ASTN2: variants seen among roughly 807,000 people sequenced by gnomAD.
The protein encoded by ASTN2 is astrotactin 2.
A neutral mutation model predicts 139.8 loss-of-function variants in ASTN2; 54 were observed. The observed-to-expected ratio is 0.39, with a 90% CI of 0.31 to 0.48. The LOEUF (loss-of-function observed/expected upper bound fraction) is 0.48, where lower values mean the gene tolerates loss of function less well. Ranked by LOEUF, ASTN2 falls within the 20% of genes least tolerant of loss-of-function variation. The pLI, the probability that ASTN2 is intolerant of heterozygous loss-of-function variation, is 0.95. For missense variants in ASTN2, 1,565 were observed against 1,725.1 expected, an observed-to-expected ratio of 0.91 and a Z score of 1.64; for synonymous variants, 756 against 719.5, an observed-to-expected ratio of 1.05 and a Z score of -0.81.
intron 1 of ASTN2, among the ~76,000 whole-genome samples, chr9:117,296,611 C>T (rs966910678): frequency 6.6e-6 from 1 of 152,176 alleles, no homozygotes; most frequent in African/African-American, 2.4e-5. Context: ...GGACTAAATG[C>T]ATTGGGTCAG....
At chr9:117,145,750 A>T (rs1019552861) in intron 3 of ASTN2, among the ~76,000 whole-genome samples, 23 of 152,210 alleles carry the variant, frequency 1.5e-4, no homozygotes, top group Non-Finnish European at 2.2e-4. Context: ...AATTCTTTTT[A>T]AAAAAATCCC....
At chr9:116,835,616 C>T (rs773216888) in intron 11 of ASTN2, among the ~76,000 whole-genome samples, 23 of 152,094 alleles carry the variant, frequency 1.5e-4, no homozygotes, top group Non-Finnish European at 2.8e-4. Flanking sequence ...ACCAACAACC[C>T]GCTGCCCCCA....
In ASTN2 at chr9:117,214,678, C is replaced by T. The variant is rs1173826172; in HGVS notation, c.695G>A (p.Arg232His). Residue 232 changes from arginine (R) to histidine (H), a missense_variant, in exon 3 of 23, where the codon CGT becomes CAT. By Grantham distance (29) the Arg-to-His change is conservative (BLOSUM62 0). This residue lies in a region of ASTN2 where 596 missense variants were observed against 576.8 expected (regional missense o/e 1.03). Transcript: ENST00000313400. ...GGGGATGCGGCGACGCTTCTGCCAACGTCGCTGGGCGTACAGCGCCACGGT... is the reference window on the plus strand; with the variant it reads ...GGGGATGCGGCGACGCTTCTGCCAATGTCGCTGGGCGTACAGCGCCACGGT... Reference protein sequence around the residue: ...VFTVALYAQRRWQKRRRIPQK... With the variant: ...VFTVALYAQRHWQKRRRIPQK... The T allele has an allele frequency of 6.5e-6, 10 of 1,540,568 alleles. No individual in the cohort carries two copies. The highest frequency in any genetic ancestry group is 4.6e-5 in the East Asian group (2 of 43,922).
intron 13 of ASTN2, among the ~76,000 whole-genome samples, chr9:116,800,179 G>A (rs556483595): frequency 5.9e-4 from 89 of 151,882 alleles, no homozygotes; most frequent in Middle Eastern, 3.4e-3. Flanking sequence ...CCCCTTCCCC[G>A]CCTTCTGCTG....
At position 116,725,871 on chromosome 9, in the gene ASTN2, G is replaced by C. The variant is rs1467477661; in HGVS notation, c.2706C>G (p.Ser902=). The change falls in exon 16 of 23, where the codon TCC becomes TCG. Residue 902 remains serine (S), a synonymous_variant. Transcript: ENST00000313400. ...ELLSFIQHYG[S]HYIAEALYGS... is the part of the protein sequence containing the mutation. ...CATAGAGGGCCTCTGCGATGTAGTG[G>C]GAGCCATAGTGCTGGATGAAGGACA... 1 of 1,614,062 alleles carries C rather than the reference G, an allele frequency of 6.2e-7. No individual in the cohort carries two copies. Among genetic ancestry groups the C allele is most frequent in the Admixed American group, 1.7e-5 (1 of 60,018 alleles).
At chr9:116,444,546 C>T (rs1253866943) in intron 20 of ASTN2, among the ~76,000 whole-genome samples, 1 of 152,170 alleles carries the variant, frequency 6.6e-6, no homozygotes, top group East Asian at 1.9e-4. Flanking sequence ...CTCGCAGGCT[C>T]AGGGTATCAT....
intron 16 of ASTN2, among the ~76,000 whole-genome samples, chr9:116,682,444 C>T (rs1859941611): frequency 6.6e-6 from 1 of 152,194 alleles, no homozygotes; most frequent in African/African-American, 2.4e-5. Flanking sequence ...TAAACTGGTT[C>T]AAACATTGTG....
chr9:116,599,549 G>A (rs1039887474), intron 19 of ASTN2, among the ~76,000 whole-genome samples: 9 of 152,122 alleles, frequency 5.9e-5, no homozygotes, highest in Non-Finnish European at 1.0e-4. Context: ...ATTTTTCCCT[G>A]AGGCAATTCA....
chr9:116,960,191 G>A (rs1303875518), intron 10 of ASTN2, among the ~76,000 whole-genome samples: 3 of 152,096 alleles, frequency 2.0e-5, no homozygotes, highest in Admixed American at 6.6e-5. Context: ...AGCTGGGGTC[G>A]CTGGACCATC....
intron 16 of ASTN2, among the ~76,000 whole-genome samples, chr9:116,692,226 G>T (rs950893158): frequency 2.0e-5 from 3 of 152,166 alleles, no homozygotes; most frequent in Admixed American, 1.3e-4. Context: ...TGAAACCTTA[G>T]ATCATCTCTA....
chr9:117,282,109 CT>C (rs1194676646), intron 2 of ASTN2, among the ~76,000 whole-genome samples: 2 of 152,098 alleles, frequency 1.3e-5, no homozygotes, highest in African/African-American at 2.4e-5. Flanking sequence ...CCCTTTCTGT[CT>C]GTTCTTGCCA....
intron 2 of ASTN2, among the ~76,000 whole-genome samples, chr9:117,290,178 C>A (rs1834552935): frequency 6.6e-6 from 1 of 152,104 alleles, no homozygotes; most frequent in Admixed American, 6.5e-5. Context: ...GTTGGAGATA[C>A]CATTTCCTAA....
At chr9:117,200,791 G>A (rs1000386358) in intron 3 of ASTN2, among the ~76,000 whole-genome samples, 4 of 152,022 alleles carry the variant, frequency 2.6e-5, no homozygotes, top group South Asian at 2.1e-4. Flanking sequence ...TTTTTGCATC[G>A]ATGTTCATCA....
At chr9:116,884,422 G>C (rs933875608) in intron 10 of ASTN2, among the ~76,000 whole-genome samples, 49 of 152,244 alleles carry the variant, frequency 3.2e-4, no homozygotes, top group African/African-American at 1.0e-3. Flanking sequence ...AGTAGAGTTG[G>C]CTGTAATCTG....
chr9:116,916,756 T>C (rs1834460455), intron 10 of ASTN2, among the ~76,000 whole-genome samples: 1 of 152,060 alleles, frequency 6.6e-6, no homozygotes, highest in Non-Finnish European at 1.5e-5. Context: ...TGCTTGAGCC[T>C]GGGAGGCAGA....
intron 1 of ASTN2, among the ~76,000 whole-genome samples, chr9:117,367,617 CAG>C (rs1172356837): frequency 6.6e-6 from 1 of 152,160 alleles, no homozygotes; most frequent in East Asian, 1.9e-4. Context: ...AAGCTCCTAA[CAG>C]GTAAGGTGCT....
At chr9:117,269,798 G>A (rs1171817753) in intron 2 of ASTN2, among the ~76,000 whole-genome samples, 1 of 152,210 alleles carries the variant, frequency 6.6e-6, no homozygotes, top group East Asian at 1.9e-4. Flanking sequence ...AGGTTGCATA[G>A]CTAGTGATTG....
At chr9:117,051,915 C>T (rs1425492741) in intron 5 of ASTN2, among the ~76,000 whole-genome samples, 2 of 152,032 alleles carry the variant, frequency 1.3e-5, no homozygotes, top group Non-Finnish European at 2.9e-5. Context: ...ACCAATACCT[C>T]CTGGAAAAAA....
intron 5 of ASTN2, among the ~76,000 whole-genome samples, chr9:117,066,121 A>C (rs1827931823): frequency 2.2e-5 from 3 of 135,812 alleles, no homozygotes; most frequent in East Asian, 2.4e-4. Flanking sequence ...GCACCCACTA[A>C]CTCGTCATCT....
Sources: gnomAD v4.1 joint callset for allele counts (sites outside exome capture counted in the v4.1 genomes callset) on GRCh38, gnomAD v4.1.1 for gene constraint, gnomAD v4.1.1 regional missense constraint, MANE v1.5 for transcripts, NCBI Gene and HGNC (gene_info 2026-07-23, HGNC 2026-07-21) for gene names.